Variants in GRM3 observed in about 807,000 individuals in gnomAD.
GRM3 encodes the protein metabotropic glutamate receptor 3.
A neutral mutation model predicts 70.5 loss-of-function variants in GRM3; 26 were observed. That is an observed-to-expected ratio of 0.37 (90% CI 0.27 to 0.51). The LOEUF (loss-of-function observed/expected upper bound fraction) is 0.51, where lower values mean the gene tolerates loss of function less well. Ranked by LOEUF, GRM3 falls within the 20% of genes least tolerant of loss-of-function variation. GRM3 has a pLI of 0.93. For synonymous variants in GRM3, 443 were observed against 434.9 expected, an observed-to-expected ratio of 1.02 and a Z score of -0.23; for missense variants, 859 against 1,123.8, an observed-to-expected ratio of 0.76 and a Z score of 3.37.
intron 1 of GRM3, among the ~76,000 whole-genome samples, chr7:86,675,823 AT>A (rs561180387): frequency 0.02 from 3,063 of 152,120 alleles, 104 homozygotes; most frequent in African/African-American, 0.07. Context: ...ATGTCTCAGA[AT>A]TTTTTTCTCT....
intron 1 of GRM3, chr7:86,710,219 T>C (rs1795161384): frequency 6.6e-6 from 1 of 152,032 alleles, no homozygotes; most frequent in Admixed American, 6.6e-5. Context: ...AGTAATATAG[T>C]CCACTTATTT....
chr7:86,703,595 A>G (rs1794993130), intron 1 of GRM3, among the ~76,000 whole-genome samples: 1 of 151,998 alleles, frequency 6.6e-6, no homozygotes, highest in African/African-American at 2.4e-5. Context: ...CTGTATTACA[A>G]TTGCCAAAAG....
intron 3 of GRM3, among the ~76,000 whole-genome samples, chr7:86,794,830 T>C (rs1797509706): frequency 6.6e-6 from 1 of 151,872 alleles, no homozygotes; most frequent in South Asian, 2.1e-4. Flanking sequence ...TCCTCTGAAG[T>C]CATAGTAATA....
intron 1 of GRM3, among the ~76,000 whole-genome samples, chr7:86,702,717 C>A (rs1584178254): frequency 1.3e-5 from 2 of 151,892 alleles, no homozygotes; most frequent in East Asian, 3.9e-4. Context: ...CCTCATTTTT[C>A]TTTTTGTTGT....
chr7:86,749,759 A>T (rs569725640), intron 1 of GRM3, among the ~76,000 whole-genome samples: 2 of 152,224 alleles, frequency 1.3e-5, no homozygotes, highest in African/African-American at 4.8e-5. Flanking sequence ...AGCACCAGAT[A>T]GACAAACAAG....
intron 1 of GRM3, among the ~76,000 whole-genome samples, chr7:86,706,171 C>G (rs1037687813): frequency 2.0e-5 from 3 of 152,048 alleles, no homozygotes; most frequent in Non-Finnish European, 4.4e-5. Context: ...TCAATTCTGA[C>G]TTTCCTATAG....
intron 2 of GRM3, among the ~76,000 whole-genome samples, chr7:86,781,997 G>C (rs963826394): frequency 3.3e-5 from 5 of 152,088 alleles, no homozygotes; most frequent in African/African-American, 9.7e-5. Flanking sequence ...ATGTTGAAAA[G>C]ATGGCCCCCT....
Position 86,678,902 on chromosome 7 carries a change from T to TG in GRM3, c.-141+34032dup, listed in dbSNP as rs1165261707. Among the ~76,000 whole-genome samples, 4 of 152,176 alleles carry TG rather than the reference T, an allele frequency of 2.6e-5. No homozygotes were observed. The East Asian group carries it at 7.7e-4, about 29-fold the overall frequency. On this transcript the variant is annotated intron_variant, in intron 1 of 5. Coordinates refer to ENST00000361669, the MANE Select transcript of GRM3 (RefSeq NM_000840.3). ...TATTTTTTCCAGGGTGAGAAGGCTA[T>TG]GGTACATGGTTTTTAGGCTTCTAAT...
intron 1 of GRM3, among the ~76,000 whole-genome samples, chr7:86,756,105 T>G (rs543743740): frequency 2.0e-5 from 3 of 152,238 alleles, no homozygotes; most frequent in African/African-American, 7.2e-5. Flanking sequence ...GAAATGGAGT[T>G]TAACTTCTGT....
intron 1 of GRM3, among the ~76,000 whole-genome samples, chr7:86,733,475 A>G (rs1795786245): frequency 6.6e-6 from 1 of 152,100 alleles, no homozygotes; most frequent in Admixed American, 6.5e-5. Context: ...GCATGAAGAT[A>G]GGGAATACCT....
At chr7:86,694,528 AGAAAAGAAAGAAAG>A (rs1276789767) in intron 1 of GRM3, among the ~76,000 whole-genome samples, 3 of 71,306 alleles carry the variant, frequency 4.2e-5, no homozygotes, top group Non-Finnish European at 5.7e-5. Flanking sequence ...AAAAAAAAAA[AGAAAAGAAAGAAAG>A]AAAAGAAAGA....
intron 3 of GRM3, among the ~76,000 whole-genome samples, chr7:86,816,016 T>C (rs1359011392): frequency 6.6e-6 from 1 of 151,916 alleles, no homozygotes; most frequent in Non-Finnish European, 1.5e-5. Context: ...AATTCATTCA[T>C]GGTTAAGTAC....
chr7:86,861,572 GA>G (rs1178476999), intron 5 of GRM3, among the ~76,000 whole-genome samples: 3 of 152,188 alleles, frequency 2.0e-5, no homozygotes, highest in Non-Finnish European at 4.4e-5. Context: ...AGATGTGGAT[GA>G]CAAGGAGGAG....
chr7:86,649,504 C>T (rs1584137612), intron 1 of GRM3, among the ~76,000 whole-genome samples: 3 of 151,980 alleles, frequency 2.0e-5, no homozygotes, highest in African/African-American at 4.8e-5. Flanking sequence ...ATAGAGAAGG[C>T]ACCTCCACAA....
chr7:86,646,006 T>TTTAG (rs1793458700), intron 1 of GRM3, among the ~76,000 whole-genome samples: 2 of 10,632 alleles, frequency 1.9e-4, no homozygotes, highest in Non-Finnish European at 3.3e-4. Flanking sequence ...GGTGGGGGGG[T>TTTAG]GGGGGGGGGT....
chr7:86,830,838 T>C (rs1266670601), intron 3 of GRM3, among the ~76,000 whole-genome samples: 1 of 152,058 alleles, frequency 6.6e-6, no homozygotes, highest in Non-Finnish European at 1.5e-5. Context: ...TAAAATAAGG[T>C]CATTAGGGTG....
chr7:86,844,188 A>T (rs141097691), intron 4 of GRM3, among the ~76,000 whole-genome samples: 2,107 of 152,288 alleles, frequency 0.014, 49 homozygotes, highest in African/African-American at 0.048. Context: ...TATTTTGAAG[A>T]TTCAAAAATA....
intron 3 of GRM3, among the ~76,000 whole-genome samples, chr7:86,787,684 T>C (rs1008206236): frequency 6.6e-6 from 1 of 152,212 alleles, no homozygotes; most frequent in African/African-American, 2.4e-5. Flanking sequence ...AAAACATTTA[T>C]ATATTATTAA....
intron 3 of GRM3, among the ~76,000 whole-genome samples, chr7:86,830,138 G>T (rs986336721): frequency 6.6e-6 from 1 of 152,100 alleles, no homozygotes; most frequent in Non-Finnish European, 1.5e-5. Context: ...AGAGAGCTTT[G>T]TCTGGTCAGA....
Sources: allele counts gnomAD v4.1 joint callset (sites outside exome capture counted in the v4.1 genomes callset), GRCh38; gene constraint gnomAD v4.1.1; transcripts MANE v1.5; gene names NCBI Gene and HGNC (gene_info 2026-07-23, HGNC 2026-07-21).